SLC2A1: variants seen among roughly 807,000 people sequenced by gnomAD.
The protein encoded by SLC2A1 is solute carrier family 2 member 1.
Under a neutral mutation model 46.6 loss-of-function variants are expected in SLC2A1, and 4 were observed. The ratio of observed to expected loss-of-function variants is 0.09; its 90% CI spans 0.04 to 0.20. The LOEUF (loss-of-function observed/expected upper bound fraction) is 0.20. Ranked by LOEUF, SLC2A1 falls within the 10% of genes least tolerant of loss-of-function variation. The pLI, the probability that SLC2A1 is intolerant of heterozygous loss-of-function variation, is 1.00. For missense variants in SLC2A1, 352 were observed against 667.0 expected (o/e 0.53, Z 5.20); for synonymous variants, 253 against 270.0 (o/e 0.94, Z 0.62).
At chr1:42,945,123 C>A (rs1643637785) in intron 1 of SLC2A1, among the ~76,000 whole-genome samples, 1 of 152,184 alleles carries the variant, frequency 6.6e-6, no homozygotes, top group African/African-American at 2.4e-5. Flanking sequence ...GCTAGGCCCG[C>A]CACGTGCTGG....
At chr1:42,949,180 G>A (rs777449929) in intron 1 of SLC2A1, among the ~76,000 whole-genome samples, 1 of 152,136 alleles carries the variant, frequency 6.6e-6, no homozygotes, top group Admixed American at 6.5e-5. Context: ...CCTGGGAGGC[G>A]GAGGTTGTAG....
At chr1:42,934,132 G>C (rs903048707) in intron 2 of SLC2A1, among the ~76,000 whole-genome samples, 1 of 152,308 alleles carries the variant, frequency 6.6e-6, no homozygotes, top group Non-Finnish European at 1.5e-5. Context: ...TTGAGATGTT[G>C]GGGCAACTGA....
intron 2 of SLC2A1, among the ~76,000 whole-genome samples, chr1:42,935,533 C>A (rs1006601213): frequency 2.6e-5 from 4 of 152,214 alleles, no homozygotes; most frequent in African/African-American, 9.7e-5. Context: ...AAAGAAGTCA[C>A]CACTTTCGGA....
At chr1:42,952,850 A>G (rs1193487578) in intron 1 of SLC2A1, among the ~76,000 whole-genome samples, 1 of 152,128 alleles carries the variant, frequency 6.6e-6, no homozygotes, top group African/African-American at 2.4e-5. Context: ...GCTTATGGCT[A>G]GCTGGCCTGT....
intron 1 of SLC2A1, chr1:42,952,245 T>C (rs957564307): frequency 1.2e-5 from 5 of 417,108 alleles, no homozygotes; most frequent in Non-Finnish European, 2.4e-5. Context: ...AATGAGACCA[T>C]GCAGTGAAAA....
chr1:42,930,993 G>A lies in SLC2A1; in HGVS notation c.275+53C>T. 3 of 1,611,598 alleles carry A rather than the reference G, an allele frequency of 1.9e-6. No individual in the cohort carries two copies. Among genetic ancestry groups the A allele is most frequent in the Middle Eastern group, 1.6e-4 (1 of 6,062 alleles). ...CCTCCCACCCCATCTGGGACTCCCT[G>A]GGCAGGAGGGCATGGGCCCTCCAAG... On this transcript the variant is annotated intron_variant, in intron 3 of 9. Transcript: ENST00000426263. The surrounding 1 kb of genome is among the most constrained non-coding windows in gnomAD (Gnocchi z 6.2).
At chr1:42,958,129 G>C (rs1375655580) in intron 1 of SLC2A1, among the ~76,000 whole-genome samples, 2 of 152,282 alleles carry the variant, frequency 1.3e-5, no homozygotes, top group Middle Eastern at 6.8e-3. Context: ...ACCTACAGGG[G>C]CGTCCGGGCT....
rs183595534 is a variant in SLC2A1 at position 42,952,955 on chromosome 1, C to T, written c.18+5679G>A. 4.6e-5 allele frequency among the ~76,000 whole-genome samples: 7 copies of T among 152,316 alleles called. No individual in the cohort carries two copies. In the East Asian group the frequency reaches 7.7e-4, roughly 17 times the overall value. ...ACATGCTCCCCTGGAGCCTCAGTGC[C>T]GCTGACCCAGACAGCTAGCTCTCAT... On this transcript the variant is annotated intron_variant, in intron 1 of 9. Coordinates refer to ENST00000426263, the MANE Select transcript of SLC2A1 (RefSeq NM_006516.4).
At chr1:42,955,383 C>T (rs560649186) in intron 1 of SLC2A1, among the ~76,000 whole-genome samples, 4 of 152,222 alleles carry the variant, frequency 2.6e-5, no homozygotes, top group Non-Finnish European at 2.9e-5. Context: ...CTGAAGTGGG[C>T]GGATCACCTG....
At chr1:42,958,209 G>A (rs1033034350) in intron 1 of SLC2A1, among the ~76,000 whole-genome samples, 2 of 151,572 alleles carry the variant, frequency 1.3e-5, no homozygotes, top group African/African-American at 4.8e-5. Flanking sequence ...CGGGCCGGGG[G>A]CTCGGCCCGC....
At chr1:42,953,369 A>G (rs1339876035) in intron 1 of SLC2A1, among the ~76,000 whole-genome samples, 5 of 152,248 alleles carry the variant, frequency 3.3e-5, no homozygotes, top group African/African-American at 1.2e-4. Flanking sequence ...ACAGAGCCTC[A>G]GGCTCCAGTC....
chr1:42,951,304 T>C (rs1053123955), intron 1 of SLC2A1, among the ~76,000 whole-genome samples: 12 of 152,162 alleles, frequency 7.9e-5, no homozygotes, highest in Non-Finnish European at 1.5e-4. Context: ...AACACATCTG[T>C]GTTTCACATA....
At chr1:42,943,424 C>T (rs1643618711) in intron 1 of SLC2A1, 103 bp from the exon 2 acceptor site, 1 of 846,266 alleles carries the variant, frequency 1.2e-6, no homozygotes, top group Non-Finnish European at 2.0e-6. Flanking sequence ...TCTTGCCTGA[C>T]TCTTGGCACC....
At position 42,929,553 on chromosome 1, in the gene SLC2A1, G is replaced by GCACA; in HGVS notation, c.867+39_867+40insTGTG. ...TTCACCATGCACACTTGACCAGAGG[G>GCACA]CTTGGCTGGGGCACAGGAAGGGTGG... On this transcript the variant is annotated intron_variant, in intron 6 of 9. Transcript: ENST00000426263. The surrounding 1 kb of genome is among the most constrained non-coding windows in gnomAD (Gnocchi z 6.0). 1 of 1,572,836 alleles carries GCACA rather than the reference G, an allele frequency of 6.4e-7. No homozygotes were observed. The highest frequency in any genetic ancestry group is 8.7e-7 in the Non-Finnish European group (1 of 1,145,708).
At chr1:42,934,519 G>A (rs1009033574) in intron 2 of SLC2A1, among the ~76,000 whole-genome samples, 7 of 152,108 alleles carry the variant, frequency 4.6e-5, no homozygotes, top group African/African-American at 1.4e-4. Flanking sequence ...GGGGTTCCAC[G>A]CTGACTCTTG....
intron 1 of SLC2A1, among the ~76,000 whole-genome samples, chr1:42,947,063 T>C (rs1164254539): frequency 7.9e-5 from 12 of 152,304 alleles, no homozygotes; most frequent in African/African-American, 2.9e-4. Flanking sequence ...CGGTGAAGAA[T>C]AGCAAGCTAC....
intron 1 of SLC2A1, among the ~76,000 whole-genome samples, chr1:42,956,077 C>G (rs1161270460): frequency 2.6e-5 from 4 of 152,098 alleles, no homozygotes; most frequent in African/African-American, 7.2e-5. Context: ...GCTGTGCTTG[C>G]AGGTCAAATC....
At position 42,954,316 on chromosome 1, in the gene SLC2A1, C is replaced by T. The variant is rs1570608175; in HGVS notation, c.18+4318G>A. On this transcript the variant is annotated intron_variant, in intron 1 of 9. Transcript: ENST00000426263. This position sits in a 1 kb window ranked among gnomAD's most constrained non-coding sequence, Gnocchi z 4.2. ...GGCGGATCACCTGAGGTCTGGAGTT[C>T]GAGACCAGCTTGACCAACATGAAGA... Among the ~76,000 whole-genome samples, 1 of 151,946 alleles carries T rather than the reference C, an allele frequency of 6.6e-6. No homozygotes were observed. Among genetic ancestry groups the T allele is most frequent in the South Asian group, 2.1e-4 (1 of 4,816 alleles).
intron 2 of SLC2A1, 160 bp downstream of exon 2, chr1:42,943,066 C>G (rs1643614167): frequency 1.5e-6 from 1 of 680,858 alleles, no homozygotes; most frequent in African/African-American, 1.8e-5. Flanking sequence ...AGAGAAGAGT[C>G]TCTGACATGA....
Sources: allele counts gnomAD v4.1 joint callset (sites outside exome capture counted in the v4.1 genomes callset), GRCh38; gene constraint gnomAD v4.1.1; non-coding constraint Gnocchi (gnomAD v3.1); transcripts MANE v1.5; gene names NCBI Gene and HGNC (gene_info 2026-07-23, HGNC 2026-07-21).